The following GABRB3 variants were observed in gnomAD, a reference collection of about 807,000 sequenced individuals.
The protein encoded by GABRB3 is gamma-aminobutyric acid type A receptor subunit beta3.
Under a neutral mutation model 52.1 loss-of-function variants are expected in GABRB3, and 14 were observed. That is an observed-to-expected ratio of 0.27 (90% CI 0.18 to 0.42). The LOEUF (loss-of-function observed/expected upper bound fraction) is 0.42. Among genes scored for constraint, GABRB3 ranks in the 10% least tolerant of loss-of-function variants. The pLI is 1.00. For missense variants in GABRB3, 307 were observed against 609.1 expected (o/e 0.50, Z 5.22); for synonymous variants, 260 against 232.3 (o/e 1.12, Z -1.08).
intron 3 of GABRB3, 63 bp downstream of exon 3, chr15:26,772,339 C>T: frequency 1.4e-6 from 2 of 1,421,532 alleles, no homozygotes; most frequent in African/African-American, 1.4e-5. Context: ...GCACTGTGGA[C>T]GCCTGTGATC....
intron 4 of GABRB3, among the ~76,000 whole-genome samples, chr15:26,604,268 G>A (rs1018821563): frequency 3.9e-5 from 6 of 151,970 alleles, no homozygotes; most frequent in Non-Finnish European, 8.8e-5. Flanking sequence ...AATTGAAGAG[G>A]ACACAAAACA....
chr15:26,762,337 T>C (rs1890843602), intron 3 of GABRB3, among the ~76,000 whole-genome samples: 1 of 152,198 alleles, frequency 6.6e-6, no homozygotes. Flanking sequence ...TTTGTCAAAA[T>C]TTTGCCTTCA....
intron 4 of GABRB3, among the ~76,000 whole-genome samples, chr15:26,619,644 T>A (rs369873642): frequency 6.6e-6 from 1 of 151,690 alleles, no homozygotes; most frequent in African/African-American, 2.4e-5. Flanking sequence ...ATTATGCACA[T>A]GTACCCTAAA....
intron 3 of GABRB3, among the ~76,000 whole-genome samples, chr15:26,672,559 TAA>T (rs1414046995): frequency 1.3e-5 from 2 of 152,208 alleles, no homozygotes; most frequent in Non-Finnish European, 2.9e-5. Flanking sequence ...TTAGCAGTAA[TAA>T]GTTAGTAGGC....
At chr15:26,646,112 C>A (rs2140580800) in intron 3 of GABRB3, among the ~76,000 whole-genome samples, 1 of 152,176 alleles carries the variant, frequency 6.6e-6, no homozygotes, top group African/African-American at 2.4e-5. Flanking sequence ...ACAATCGAAT[C>A]ATTTATTTTA....
At chr15:26,685,937 T>C (rs1888391065) in intron 3 of GABRB3, among the ~76,000 whole-genome samples, 2 of 151,998 alleles carry the variant, frequency 1.3e-5, no homozygotes, top group South Asian at 4.2e-4. Flanking sequence ...CCCACGTAGC[T>C]AGGATAAAAG....
chr15:26,752,633 G>A lies in GABRB3; in HGVS notation c.240+19769C>T, dbSNP rs529418983. Among the ~76,000 whole-genome samples the A allele has an allele frequency of 3.9e-5, 6 of 152,162 alleles. No individual in the cohort carries two copies. The South Asian group carries it at 1.2e-3, about 32-fold the overall frequency. On this transcript the variant is annotated intron_variant, in intron 3 of 8. Coordinates refer to ENST00000311550, the MANE Select transcript of GABRB3 (RefSeq NM_000814.6). ...AATAAAAACTGTACATATTTATGAT[G>A]TACCACATCAGGCCTTGATGTGTCT...
chr15:26,681,083 T>C (rs923173847), intron 3 of GABRB3, among the ~76,000 whole-genome samples: 2 of 152,198 alleles, frequency 1.3e-5, no homozygotes. Flanking sequence ...AAAAATCGTA[T>C]TGCTCATTAT....
At chr15:26,676,208 T>C (rs1223414486) in intron 3 of GABRB3, among the ~76,000 whole-genome samples, 2 of 152,240 alleles carry the variant, frequency 1.3e-5, no homozygotes, top group African/African-American at 4.8e-5. Flanking sequence ...ACTATTTATT[T>C]TGTTTCAACA....
Position 26,648,378 on chromosome 15 carries a change from T to C in GABRB3, c.241-26844A>G, listed in dbSNP as rs539880930. ...AGAATGTTCTGTTTGCACAGAGTAATTTGGAGGTGCCTGTGGGGCAAACTA... is the reference window on the plus strand; with the variant it reads ...AGAATGTTCTGTTTGCACAGAGTAACTTGGAGGTGCCTGTGGGGCAAACTA... On this transcript the variant is annotated intron_variant, in intron 3 of 8. Coordinates refer to ENST00000311550, the MANE Select transcript of GABRB3 (RefSeq NM_000814.6). Among the ~76,000 whole-genome samples the C allele has an allele frequency of 3.9e-5, 6 of 152,326 alleles. No homozygotes were observed. The East Asian group carries it at 1.2e-3, about 29-fold the overall frequency.
At chr15:26,599,195 T>C (rs973875696) in intron 4 of GABRB3, among the ~76,000 whole-genome samples, 2 of 152,194 alleles carry the variant, frequency 1.3e-5, no homozygotes, top group Admixed American at 1.3e-4. Context: ...CAGTGTTCCA[T>C]TTAGCCAAAA....
chr15:26,764,559 GACT>G (rs1890945226), intron 3 of GABRB3, among the ~76,000 whole-genome samples: 4 of 152,092 alleles, frequency 2.6e-5, no homozygotes, highest in Non-Finnish European at 4.4e-5. Context: ...GTGGTCTCCT[GACT>G]ACAAAGGAAT....
intron 3 of GABRB3, among the ~76,000 whole-genome samples, chr15:26,709,643 G>A (rs34155443): frequency 0.078 from 11,410 of 146,200 alleles, 540 homozygotes; most frequent in Middle Eastern, 0.18. Context: ...TCAGCCTCCC[G>A]AGTAGCTGGG....
chr15:26,563,303 T>C (rs188433885), intron 7 of GABRB3, among the ~76,000 whole-genome samples: 146 of 152,344 alleles, frequency 9.6e-4, no homozygotes, highest in African/African-American at 3.4e-3. Context: ...GGACCCTGGA[T>C]CCAGGCTGAT....
intron 8 of GABRB3, among the ~76,000 whole-genome samples, chr15:26,550,963 A>G (rs967533239): frequency 6.6e-6 from 1 of 152,226 alleles, no homozygotes; most frequent in African/African-American, 2.4e-5. Context: ...AATTTTTCAG[A>G]CAAAATGCAG....
chr15:26,583,968 G>C (rs1890883613), intron 4 of GABRB3, among the ~76,000 whole-genome samples: 1 of 151,902 alleles, frequency 6.6e-6, no homozygotes, highest in South Asian at 2.1e-4. Flanking sequence ...AGTACAGACG[G>C]GGTTTCACCA....
chr15:26,645,990 A>T (rs948792740), intron 3 of GABRB3, among the ~76,000 whole-genome samples: 1 of 152,176 alleles, frequency 6.6e-6, no homozygotes, highest in Non-Finnish European at 1.5e-5. Context: ...ACAATATATG[A>T]AAAATCATTT....
intron 3 of GABRB3, among the ~76,000 whole-genome samples, chr15:26,744,063 T>C (rs1008757956): frequency 4.6e-5 from 7 of 152,288 alleles, no homozygotes; most frequent in Admixed American, 1.3e-4. Flanking sequence ...ACCAACATCG[T>C]GTCTCCCACT....
At chr15:26,755,918 A>C (rs1044070056) in intron 3 of GABRB3, among the ~76,000 whole-genome samples, 3 of 152,236 alleles carry the variant, frequency 2.0e-5, no homozygotes, top group Non-Finnish European at 2.9e-5. Flanking sequence ...ATAGAAAACT[A>C]CTAAGTAAAA....
Sources: allele counts gnomAD v4.1 joint callset (sites outside exome capture counted in the v4.1 genomes callset), GRCh38; gene constraint gnomAD v4.1.1; transcripts MANE v1.5; gene names NCBI Gene and HGNC (gene_info 2026-07-23, HGNC 2026-07-21).